The following NUP133 variants were observed in gnomAD, a reference collection of about 807,000 sequenced individuals.
NUP133 encodes nucleoporin 133.
In NUP133, 66 loss-of-function variants were observed where a neutral mutation model predicts 146.2. The ratio of observed to expected loss-of-function variants is 0.45; its 90% confidence interval spans 0.37 to 0.55. NUP133 has a LOEUF of 0.55. Ranked by LOEUF, NUP133 falls within the 20% of genes least tolerant of loss-of-function variation. The probability of loss-of-function intolerance (pLI) is 0.00; values close to 1 mark genes in which losing one functional copy is unlikely to be tolerated. For synonymous variants in NUP133, 521 were observed against 498.8 expected (o/e 1.04, Z -0.59); for missense variants, 1,277 against 1,374.8 (o/e 0.93, Z 1.12).
intron 12 of NUP133, among the ~76,000 whole-genome samples, chr1:229,482,449 G>A (rs1262143474): frequency 1.3e-5 from 2 of 152,136 alleles, no homozygotes; most frequent in Non-Finnish European, 2.9e-5. Context: ...GAAACACAAT[G>A]GCAGAAATGT....
intron 21 of NUP133, among the ~76,000 whole-genome samples, chr1:229,453,283 G>A (rs1199152187): frequency 6.6e-6 from 1 of 152,100 alleles, no homozygotes; most frequent in Non-Finnish European, 1.5e-5. Flanking sequence ...TGGTCATTAA[G>A]CTAGACTAAT....
At position 229,444,507 on chromosome 1, in the gene NUP133, G is replaced by T. The variant is rs74346402; in HGVS notation, c.3334+407C>A. ...CAATTCAGTCTGTGGCATTTTTACA[G>T]CTATGAAAGGAAGCTACAAATCTGA... On this transcript the variant is annotated intron_variant, in intron 25 of 25. Transcript: ENST00000261396. Among the ~76,000 whole-genome samples, 1,129 of 152,090 alleles carry T rather than the reference G, an allele frequency of 7.4e-3. 17 individuals are homozygous for T. Among genetic ancestry groups the T allele is most frequent in the African/African-American group, 0.026 (1,082 of 41,502 alleles).
At chr1:229,443,368 AC>A (rs1234027360) in intron 25 of NUP133, among the ~76,000 whole-genome samples, 1 of 152,070 alleles carries the variant, frequency 6.6e-6, no homozygotes. Flanking sequence ...ACCATTCTCA[AC>A]TATTAAATGT....
chr1:229,452,824 T>A (rs112502534), intron 21 of NUP133, among the ~76,000 whole-genome samples, 181 bp from the exon 22 acceptor site: 18 of 152,284 alleles, frequency 1.2e-4, no homozygotes, highest in African/African-American at 4.3e-4. Context: ...CCGGTTATGT[T>A]TACAACATAT....
intron 5 of NUP133, 118 bp downstream of exon 5, chr1:229,499,566 T>G: frequency 2.0e-4 from 218 of 1,109,300 alleles, no homozygotes; most frequent in Middle Eastern, 3.0e-4. Flanking sequence ...CCCAGGAGTT[T>G]GAGAATTGCC....
Position 229,508,141 on chromosome 1 carries a change from G to A in NUP133, c.109C>T (p.Leu37=). ...GAGCTGACTGCAGACCCCAGGGGCA[G>A]ACCCTTCCTGCTAGCCGTCCGGGGC... ...STPRTASRKG[L]PLGSAVSSPV... The change falls in exon 1 of 26, where the codon CTG becomes TTG. Residue 37 remains leucine, a synonymous_variant. Transcript: ENST00000261396. The A allele has an allele frequency of 6.3e-7, 1 of 1,597,238 alleles. No homozygotes were observed.
intron 17 of NUP133, 129 bp downstream of exon 17, chr1:229,465,291 C>A: frequency 1.4e-6 from 1 of 703,006 alleles, no homozygotes; most frequent in Non-Finnish European, 2.5e-6. Context: ...TTGACAAGAG[C>A]TGCTCATTTT....
In NUP133 at chr1:229,471,636, T is replaced by C. The variant is rs1255476494; in HGVS notation, c.1852-832A>G. 5.9e-5 allele frequency among the ~76,000 whole-genome samples: 9 copies of C among 152,274 alleles called. No homozygotes were observed. In the East Asian group the frequency reaches 1.4e-3, roughly 23 times the overall value. On this transcript the variant is annotated intron_variant, in intron 14 of 25. Coordinates refer to ENST00000261396, the MANE Select transcript of NUP133 (RefSeq NM_018230.3). ...CTAGGGGTTTTCCTAAGCTTTCTCATTGCATATGACATTACAATAACCTGA... is the reference window on the plus strand; with the variant it reads ...CTAGGGGTTTTCCTAAGCTTTCTCACTGCATATGACATTACAATAACCTGA...
Position 229,477,610 on chromosome 1 carries a change from C to T in NUP133, c.1743G>A (p.Glu581=), listed in dbSNP as rs777078216. ...DYPASDPRWA[E]SVPEEAPGFS... is the part of the protein sequence containing the mutation. ...AAACATTCTTACCCTCAGGGACAGACTCAGCCCACCGTGGGTCAGATGCTG... is the reference window on the plus strand; with the variant it reads ...AAACATTCTTACCCTCAGGGACAGATTCAGCCCACCGTGGGTCAGATGCTG... Residue 581 remains glutamate (E), a synonymous_variant, in exon 13 of 26, where the codon GAG becomes GAA. Coordinates refer to ENST00000261396, the MANE Select transcript of NUP133 (RefSeq NM_018230.3). The T allele has an allele frequency of 6.2e-7, 1 of 1,612,934 alleles. No homozygotes were observed. Among genetic ancestry groups the T allele is most frequent in the Admixed American group, 1.7e-5 (1 of 59,914 alleles).
chr1:229,494,371 C>G (rs1362843461), intron 8 of NUP133, among the ~76,000 whole-genome samples: 1 of 152,090 alleles, frequency 6.6e-6, no homozygotes, highest in African/African-American at 2.4e-5. Flanking sequence ...AAGAGAGAGA[C>G]AAATTACACA....
intron 15 of NUP133, among the ~76,000 whole-genome samples, chr1:229,466,996 T>TTTTA (rs3835574): frequency 0.59 from 90,163 of 151,568 alleles, 27,207 homozygotes; most frequent in Middle Eastern, 0.78. Flanking sequence ...TTACTGAGAT[T>TTTTA]TTTAAGCGAT....
chr1:229,495,472 T>C (rs2102781485), intron 8 of NUP133, 23 bp downstream of exon 8: 1 of 1,565,760 alleles, frequency 6.4e-7, no homozygotes, highest in South Asian at 1.1e-5. Flanking sequence ...CTCTATGTTC[T>C]TTACGACAAA....
At chr1:229,503,326 C>T (rs1005948423) in intron 2 of NUP133, among the ~76,000 whole-genome samples, 4 of 151,876 alleles carry the variant, frequency 2.6e-5, no homozygotes, top group African/African-American at 7.3e-5. Flanking sequence ...ATAATTATAT[C>T]GATAAAGTAA....
chr1:229,452,797 AT>A (rs1660483775), intron 21 of NUP133, among the ~76,000 whole-genome samples, 154 bp from the exon 22 acceptor site: 2 of 152,232 alleles, frequency 1.3e-5, no homozygotes, highest in South Asian at 4.1e-4. Context: ...AATGCTTTTA[AT>A]TCTTATTCTT....
chr1:229,464,360 G>C (rs1051657615), intron 18 of NUP133, among the ~76,000 whole-genome samples: 1 of 152,164 alleles, frequency 6.6e-6, no homozygotes, highest in African/African-American at 2.4e-5. Flanking sequence ...GTAAAGGTCT[G>C]TGATGCTAAG....
At chr1:229,497,375 A>G (rs926071379) in intron 6 of NUP133, among the ~76,000 whole-genome samples, 1 of 152,246 alleles carries the variant, frequency 6.6e-6, no homozygotes, top group Admixed American at 6.5e-5. Context: ...TATAGGGTTA[A>G]GTGAGTAGCC....
chr1:229,458,225 G>A lies in NUP133; in HGVS notation c.2916C>T (p.Gly972=). The part of the protein sequence containing the change: ...RYFAKKKTLL[G]LSKLAALASD... ...AAGCTAATGCAGCCAATTTACTCAA[G>A]CCAAGAAGGGTTTTCTTCTTTGCAA... Residue 972 remains glycine (G), a synonymous_variant, in exon 21 of 26, where the codon GGC becomes GGT. Transcript: ENST00000261396. The A allele has an allele frequency of 6.2e-7, 1 of 1,613,596 alleles. No homozygotes were observed. Among genetic ancestry groups the A allele is most frequent in the South Asian group, 1.1e-5 (1 of 91,056 alleles).
chr1:229,457,810 C>T (rs1010606201), intron 21 of NUP133, among the ~76,000 whole-genome samples: 1 of 152,260 alleles, frequency 6.6e-6, no homozygotes, highest in Middle Eastern at 3.4e-3. Flanking sequence ...AGAATTATTG[C>T]ACCTATACCA....
chr1:229,442,895 T>C (rs10916478), intron 25 of NUP133, among the ~76,000 whole-genome samples: 42,546 of 151,906 alleles, frequency 0.28, 7,986 homozygotes, highest in African/African-American at 0.53. Context: ...TTAGTAGAAA[T>C]GGTGTTTCAC....
Sources: allele counts gnomAD v4.1 joint callset (sites outside exome capture counted in the v4.1 genomes callset), GRCh38; gene constraint gnomAD v4.1.1; transcripts MANE v1.5; gene names NCBI Gene and HGNC (gene_info 2026-07-23, HGNC 2026-07-21).